SZT2: variants seen among roughly 807,000 people sequenced by gnomAD.
SZT2 encodes the protein KICSTOR complex protein SZT2.
In SZT2, 216 loss-of-function variants were observed where a neutral mutation model predicts 404.2. That is an observed-to-expected ratio of 0.53 (90% confidence interval 0.48 to 0.60). The LOEUF is 0.60. SZT2 is among the 20% of genes least tolerant of loss of function. The pLI is 0.00. For synonymous variants in SZT2, 1,693 were observed against 1,749.9 expected, an observed-to-expected ratio of 0.97 and a Z score of 0.81; for missense variants, 3,857 against 4,459.2, an observed-to-expected ratio of 0.86 and a Z score of 3.85.
rs2153935785 is a variant in SZT2 at position 43,441,699 on chromosome 1, G to A, written c.7623G>A (p.Val2541=). Reference sequence around the variant, plus strand: ...TCTGCCTCCTAGGTTGTGCCTCAGTGTCCAGAAGCTCTGCCCACATGGTGT... The same window carrying A: ...TCTGCCTCCTAGGTTGTGCCTCAGTATCCAGAAGCTCTGCCCACATGGTGT... The part of the protein sequence containing the change: ...EFMVQIGCAS[V]SRSSAHMVSR... Residue 2541 remains valine, a synonymous_variant, in exon 55 of 72, where the codon GTG becomes GTA. Coordinates refer to ENST00000634258, the MANE Select transcript of SZT2 (RefSeq NM_001365999.1). This position sits in a 1 kb window ranked among gnomAD's most constrained non-coding sequence, Gnocchi z 4.8. The A allele has an allele frequency of 1.2e-6, 2 of 1,614,172 alleles. No individual in the cohort carries two copies. Among genetic ancestry groups the A allele is most frequent in the Non-Finnish European group, 1.7e-6 (2 of 1,180,034 alleles).
In SZT2 at chr1:43,442,779, G is replaced by A. The variant is rs748298059; in HGVS notation, c.8152-40G>A. 6.4e-7 allele frequency: 1 copy of A among 1,554,736 alleles called. No individual in the cohort carries two copies. Among genetic ancestry groups the A allele is most frequent in the Admixed American group, 1.8e-5 (1 of 55,040 alleles). ...CCTGGGATGAGAGAGAGGGTCCGAG[G>A]GCAAAGGCTATGAACCCATTGCAAT... On this transcript the variant is annotated intron_variant, in intron 58 of 71. Transcript: ENST00000634258. The surrounding 1 kb of genome is among the most constrained non-coding windows in gnomAD (Gnocchi z 4.5).
intron 1 of SZT2, among the ~76,000 whole-genome samples, chr1:43,393,635 G>A (rs1220070045): frequency 6.6e-6 from 1 of 152,198 alleles, no homozygotes; most frequent in African/African-American, 2.4e-5. Context: ...TTGTGGGAAT[G>A]TGTTAACAAA....
In SZT2 at chr1:43,439,673, C is replaced by G; in HGVS notation, c.6946C>G (p.Pro2316Ala). 1 of 1,613,178 alleles carries G rather than the reference C, an allele frequency of 6.2e-7. No individual in the cohort carries two copies. The highest frequency in any genetic ancestry group is 1.3e-5 in the African/African-American group (1 of 75,012). ...CCCCTTGTCACTGGCGTTGTGGCCC[C>G]CCTCCTCTCCGGGGCCCCCAGACCC... ...GAPLSLALWP[P>A]SSPGPPDPLR... is the part of the protein sequence containing the mutation. Residue 2316 changes from proline (P) to alanine (A), a missense_variant, in exon 50 of 72, where the codon CCC becomes GCC. Physicochemically the swap from Pro to Ala is conservative, Grantham distance 27. Coordinates refer to ENST00000634258, the MANE Select transcript of SZT2 (RefSeq NM_001365999.1). The surrounding 1 kb of genome is among the most constrained non-coding windows in gnomAD (Gnocchi z 4.2).
At chr1:43,416,796 G>A (rs905355163) in intron 7 of SZT2, among the ~76,000 whole-genome samples, 155 bp downstream of exon 7, 30 of 152,212 alleles carry the variant, frequency 2.0e-4, no homozygotes, top group African/African-American at 7.0e-4. Context: ...AGGTAGCATC[G>A]TGGGAGAGGA....
intron 4 of SZT2, chr1:43,412,862 A>G (rs1291083979): frequency 6.6e-6 from 1 of 152,218 alleles, no homozygotes; most frequent in Non-Finnish European, 1.5e-5. Context: ...CTCAATAGAC[A>G]TTTCTCAAAA....
Position 43,453,794 on chromosome 1 carries a change from G to T in SZT2, c.*3314G>T, listed in dbSNP as rs1656741572. The T allele has an allele frequency of 5.5e-6, 7 of 1,266,996 alleles. No individual in the cohort carries two copies. In the South Asian group the frequency reaches 1.2e-4, roughly 22 times the overall value. The allele number at this position is 1,266,996 out of a possible 1,614,324, so 78.5% of individuals were successfully genotyped here. On this transcript the variant is annotated 3_prime_UTR_variant, in exon 72 of 72. Transcript: ENST00000634258. Reference sequence around the variant, plus strand: ...TGGCGGAGAAGCGCAGCGGCGCCATGCCTGGGGAGGCCGGGCCGGGCGGAG... The same window carrying T: ...TGGCGGAGAAGCGCAGCGGCGCCATTCCTGGGGAGGCCGGGCCGGGCGGAG...
At chr1:43,401,666 A>G (rs1482811638) in intron 1 of SZT2, among the ~76,000 whole-genome samples, 1 of 151,882 alleles carries the variant, frequency 6.6e-6, no homozygotes, top group Non-Finnish European at 1.5e-5. Context: ...TTGTATTTTT[A>G]GTAGAGACGG....
chr1:43,440,162 T>G (rs1654912034), intron 51 of SZT2, 114 bp downstream of exon 51: 1 of 1,403,586 alleles, frequency 7.1e-7, no homozygotes, highest in Admixed American at 2.0e-5. Flanking sequence ...AGAGAACTAC[T>G]ACATCAGAAC....
In SZT2 at chr1:43,439,157, C is replaced by T. The variant is rs1034983681; in HGVS notation, c.6792+64C>T. 5 of 1,603,880 alleles carry T rather than the reference C, an allele frequency of 3.1e-6. No homozygotes were observed. Among genetic ancestry groups the T allele is most frequent in the South Asian group, 2.2e-5 (2 of 90,204 alleles). On this transcript the variant is annotated intron_variant, in intron 48 of 71. Coordinates refer to ENST00000634258, the MANE Select transcript of SZT2 (RefSeq NM_001365999.1). The surrounding 1 kb of genome is among the most constrained non-coding windows in gnomAD (Gnocchi z 4.2). ...CCCTGCCCCCTGCCCCACGCACTTACTCTTTCCTACCGATACCCCTATATG... is the reference window on the plus strand; with the variant it reads ...CCCTGCCCCCTGCCCCACGCACTTATTCTTTCCTACCGATACCCCTATATG...
In SZT2 at chr1:43,450,552, G is replaced by A; in HGVS notation, c.*72G>A. On this transcript the variant is annotated 3_prime_UTR_variant, in exon 72 of 72. Coordinates refer to ENST00000634258, the MANE Select transcript of SZT2 (RefSeq NM_001365999.1). This position sits in a 1 kb window ranked among gnomAD's most constrained non-coding sequence, Gnocchi z 4.3. The stretch of plus-strand genomic sequence containing the variant: ...CCTACCAGATTGCCTGCCAGAGGCA[G>A]GACTGACCAGCCCTTCTGGGCCCCA... The A allele has an allele frequency of 1.3e-6, 2 of 1,594,348 alleles. No homozygotes were observed. Among genetic ancestry groups the A allele is most frequent in the Non-Finnish European group, 8.6e-7 (1 of 1,168,048 alleles).
At chr1:43,417,101 C>T (rs1321833878) in intron 7 of SZT2, among the ~76,000 whole-genome samples, 1 of 152,180 alleles carries the variant, frequency 6.6e-6, no homozygotes, top group Non-Finnish European at 1.5e-5. Flanking sequence ...AAATCTGGTT[C>T]TGCTTTATTA....
At chr1:43,393,400 A>G (rs1393504422) in intron 1 of SZT2, among the ~76,000 whole-genome samples, 2 of 152,244 alleles carry the variant, frequency 1.3e-5, no homozygotes, top group Admixed American at 6.5e-5. Flanking sequence ...ACTGAGGCAT[A>G]GAGAGTGTAA....
In SZT2 at chr1:43,397,016, C is replaced by G. The variant is rs564593015; in HGVS notation, c.28-6161C>G. On this transcript the variant is annotated intron_variant, in intron 1 of 71. Coordinates refer to ENST00000634258, the MANE Select transcript of SZT2 (RefSeq NM_001365999.1). ...ATTATTGGTAACAAATTAAGAATAGCTGGAAACAGAATAAATACAGCTTGT... is the reference window on the plus strand; with the variant it reads ...ATTATTGGTAACAAATTAAGAATAGGTGGAAACAGAATAAATACAGCTTGT... Among the ~76,000 whole-genome samples the G allele has an allele frequency of 1.7e-4, 26 of 152,282 alleles. 1 individual carries two copies. The South Asian group carries it at 5.0e-3, about 29-fold the overall frequency.
rs1488939398 is a variant in SZT2, at chr1:43,424,386, G to T, written c.2425G>T (p.Ala809Ser). Residue 809 changes from alanine (A) to serine (S), a missense_variant, in exon 16 of 72, where the codon GCG (alanine) becomes TCG (serine). Coordinates refer to ENST00000634258, the MANE Select transcript of SZT2 (RefSeq NM_001365999.1). This position sits in a 1 kb window ranked among gnomAD's most constrained non-coding sequence, Gnocchi z 4.1. Reference protein sequence around the residue: ...LWSVPSGLAPALPLSAIAQLL... With the variant: ...LWSVPSGLAPSLPLSAIAQLL... ...GAGTGTCCCGTCAGGACTGGCCCCT[G>T]CGCTGCCTCTCAGTGCCATTGCCCA... The T allele has an allele frequency of 6.3e-7, 1 of 1,598,076 alleles. No individual in the cohort carries two copies. Among genetic ancestry groups the T allele is most frequent in the East Asian group, 2.2e-5 (1 of 44,884 alleles).
In SZT2 at chr1:43,427,859, T is replaced by G. The variant is rs192079944; in HGVS notation, c.3803+125T>G. 307 of 1,357,340 alleles carry G rather than the reference T, an allele frequency of 2.3e-4. 1 individual carries two copies. The Middle Eastern group carries it at 4.3e-3, about 19-fold the overall frequency. The allele number at this position is 1,357,340 out of a possible 1,614,324, so 84.1% of individuals were successfully genotyped here. On this transcript the variant is annotated intron_variant, in intron 26 of 71. Transcript: ENST00000634258. Reference sequence around the variant, plus strand: ...TATCCTGCTGGCTCCTTGCTTGATTTCCCTCAGCAAACCCTTGAACTTGCT... The same window carrying G: ...TATCCTGCTGGCTCCTTGCTTGATTGCCCTCAGCAAACCCTTGAACTTGCT...
chr1:43,394,161 C>A, intron 1 of SZT2: 16 of 625,544 alleles, frequency 2.6e-5, no homozygotes, highest in South Asian at 7.0e-5. Context: ...GTGGAAGAAT[C>A]ACTTGGAGAC....
In SZT2 at chr1:43,438,822, G is replaced by A. The variant is rs1321160910; in HGVS notation, c.6627+5G>A. On this transcript the variant is annotated splice_donor_5th_base_variant and intron_variant, in intron 47 of 71. Coordinates refer to ENST00000634258, the MANE Select transcript of SZT2 (RefSeq NM_001365999.1). ...CTGACACCAGCTGATGTGGAGGTCA[G>A]CTCCCCTCTAGGCACCAGCATCCTT... 6.2e-7 allele frequency: 1 copy of A among 1,612,776 alleles called. No individual in the cohort carries two copies. The highest frequency in any genetic ancestry group is 8.5e-7 in the Non-Finnish European group (1 of 1,179,074).
At position 43,442,284 on chromosome 1, in the gene SZT2, G is replaced by T. The variant is rs1655149181; in HGVS notation, c.7890G>T (p.Gln2630His). Residue 2630 changes from glutamine (Q) to histidine (H), a missense_variant, in exon 57 of 72, where the codon CAG becomes CAT. Coordinates refer to ENST00000634258, the MANE Select transcript of SZT2 (RefSeq NM_001365999.1). This position sits in a 1 kb window ranked among gnomAD's most constrained non-coding sequence, Gnocchi z 4.5. Reference protein sequence around the residue: ...RPTQQAAKAMQRFEPGGDGSS... With the variant: ...RPTQQAAKAMHRFEPGGDGSS... Reference sequence around the variant, plus strand: ...ACCCTGTAGCTGCCAAAGCCATGCAGCGCTTCGAGCCAGGAGGTGATGGGA... The same window carrying T: ...ACCCTGTAGCTGCCAAAGCCATGCATCGCTTCGAGCCAGGAGGTGATGGGA... 1.2e-6 allele frequency: 2 copies of T among 1,613,694 alleles called. No individual in the cohort carries two copies. Among genetic ancestry groups the T allele is most frequent in the Non-Finnish European group, 1.7e-6 (2 of 1,179,852 alleles).
At chr1:43,431,565 A>G in intron 35 of SZT2, 42 bp downstream of exon 35, 6 of 1,611,030 alleles carry the variant, frequency 3.7e-6, no homozygotes, top group South Asian at 1.1e-5. Context: ...TTCCCTTTCC[A>G]TCGTATGAGT....
Sources: gnomAD v4.1 joint callset for allele counts (sites outside exome capture counted in the v4.1 genomes callset) on GRCh38, gnomAD v4.1.1 for gene constraint, Gnocchi (gnomAD v3.1) non-coding constraint, MANE v1.5 for transcripts, NCBI Gene and HGNC (gene_info 2026-07-23, HGNC 2026-07-21) for gene names.